LRRC4C: variants seen among roughly 807,000 people sequenced by gnomAD.
The protein encoded by LRRC4C is leucine rich repeat containing 4C, also known as leucine-rich repeat-containing protein 4C.
A neutral mutation model predicts 33.6 loss-of-function variants in LRRC4C; 5 were observed. That is an observed-to-expected ratio of 0.15 (90% CI 0.08 to 0.31). The LOEUF is 0.31. Ranked by LOEUF, LRRC4C falls within the 10% of genes least tolerant of loss-of-function variation. LRRC4C has a pLI of 1.00. For missense variants in LRRC4C, 560 were observed against 796.7 expected (o/e 0.70, Z 3.58); for synonymous variants, 329 against 302.0 (o/e 1.09, Z -0.93).
At chr11:41,245,251 G>C (rs1001868785) in intron 1 of LRRC4C, among the ~76,000 whole-genome samples, 3 of 152,188 alleles carry the variant, frequency 2.0e-5, no homozygotes, top group Admixed American at 2.0e-4. Flanking sequence ...GTTTTGCTCG[G>C]CCTGCTGGGC....
intron 5 of LRRC4C, among the ~76,000 whole-genome samples, chr11:40,144,141 G>A (rs1170994987): frequency 6.6e-6 from 1 of 152,088 alleles, no homozygotes. Context: ...GATAATAATA[G>A]AGTCAACTTC....
intron 1 of LRRC4C, among the ~76,000 whole-genome samples, chr11:41,377,561 A>T (rs1297582972): frequency 1.3e-5 from 2 of 152,008 alleles, no homozygotes; most frequent in African/African-American, 4.8e-5. Context: ...TTTCAATCAC[A>T]TTTTTTTTCC....
intron 1 of LRRC4C, among the ~76,000 whole-genome samples, chr11:41,335,934 T>C (rs1000521403): frequency 2.0e-5 from 3 of 152,216 alleles, no homozygotes; most frequent in Non-Finnish European, 4.4e-5. Context: ...TAGCTAATTG[T>C]AGACACTTTA....
At chr11:41,108,722 C>T (rs1941656552) in intron 1 of LRRC4C, among the ~76,000 whole-genome samples, 2 of 152,054 alleles carry the variant, frequency 1.3e-5, no homozygotes, top group Non-Finnish European at 2.9e-5. Flanking sequence ...GACAAATAGT[C>T]CCCATTCTAA....
chr11:40,829,083 C>T (rs776121310), intron 2 of LRRC4C, among the ~76,000 whole-genome samples: 2 of 151,866 alleles, frequency 1.3e-5, no homozygotes, highest in Non-Finnish European at 2.9e-5. Context: ...GTAATGTTTA[C>T]ATCATAATTG....
At chr11:40,237,506 G>C (rs148098188) in intron 5 of LRRC4C, among the ~76,000 whole-genome samples, 7 of 152,214 alleles carry the variant, frequency 4.6e-5, no homozygotes. Flanking sequence ...ACAAGGTCGC[G>C]GTATGGATTA....
intron 1 of LRRC4C, chr11:41,394,590 C>A (rs1953733391): frequency 6.6e-6 from 1 of 151,936 alleles, no homozygotes. Context: ...TGGTAAAAAA[C>A]ACCAACTTGA....
chr11:41,096,454 T>C (rs945519811), intron 1 of LRRC4C, among the ~76,000 whole-genome samples: 2 of 152,218 alleles, frequency 1.3e-5, no homozygotes, highest in African/African-American at 4.8e-5. Context: ...TCAGTCAGAC[T>C]TTAATCAGCA....
At chr11:40,974,067 T>C (rs1851913482) in intron 1 of LRRC4C, among the ~76,000 whole-genome samples, 1 of 152,290 alleles carries the variant, frequency 6.6e-6, no homozygotes, top group East Asian at 1.9e-4. Flanking sequence ...CTATAAATGG[T>C]TTAGAAAGTA....
At chr11:40,483,866 AG>A (rs1171594758) in intron 3 of LRRC4C, among the ~76,000 whole-genome samples, 5 of 151,782 alleles carry the variant, frequency 3.3e-5, no homozygotes, top group Non-Finnish European at 1.5e-5. Flanking sequence ...CCAACACTTA[AG>A]TAGAACTGAT....
chr11:41,426,328 T>G (rs1955042323), intron 1 of LRRC4C: 2 of 152,264 alleles, frequency 1.3e-5, no homozygotes. Flanking sequence ...TCTGGCATCC[T>G]GGACTCCGAC....
At chr11:40,493,410 G>A (rs1005515701) in intron 3 of LRRC4C, among the ~76,000 whole-genome samples, 1 of 151,922 alleles carries the variant, frequency 6.6e-6, no homozygotes, top group African/African-American at 2.4e-5. Context: ...TTGCAACCAA[G>A]AAAGTCCTAA....
At chr11:40,136,738 A>G (rs1565036823) in intron 6 of LRRC4C, among the ~76,000 whole-genome samples, 1 of 152,240 alleles carries the variant, frequency 6.6e-6, no homozygotes, top group Non-Finnish European at 1.5e-5. Context: ...GTTGCCATGC[A>G]TCATATAACT....
rs557664238 is a variant in LRRC4C at position 40,171,961 on chromosome 11, A to G, written c.-95-31108T>C. Among the ~76,000 whole-genome samples, 3 of 152,308 alleles carry G rather than the reference A, an allele frequency of 2.0e-5. No individual in the cohort carries two copies. In the East Asian group the frequency reaches 5.8e-4, roughly 29 times the overall value. On this transcript the variant is annotated intron_variant, in intron 5 of 6. Transcript: ENST00000528697. ...GAACTCAGGAGGTGGAGGTTGCCGT[A>G]AGCTGAGATTGCACCACTGCACTCC... is the stretch of plus-strand genomic sequence containing the variant.
At chr11:41,054,177 A>G (rs547820150) in intron 1 of LRRC4C, among the ~76,000 whole-genome samples, 1 of 152,328 alleles carries the variant, frequency 6.6e-6, no homozygotes, top group East Asian at 1.9e-4. Flanking sequence ...CACAAATGAG[A>G]TTCACTCCCA....
intron 1 of LRRC4C, among the ~76,000 whole-genome samples, chr11:41,409,558 T>TA (rs1257074719): frequency 6.6e-6 from 1 of 152,156 alleles, no homozygotes; most frequent in Non-Finnish European, 1.5e-5. Flanking sequence ...AACAGAGACA[T>TA]AGACATGTTA....
chr11:40,566,086 G>GTTTTTTTTTTTTTTTTTTTTT, intron 3 of LRRC4C, among the ~76,000 whole-genome samples: 2 of 62,794 alleles, frequency 3.2e-5, no homozygotes, highest in Non-Finnish European at 5.8e-5. Flanking sequence ...TTTTTACTAA[G>GTTTTTTTTTTTTTTTTTTTTT]TTTTTTTTTT....
chr11:40,905,178 A>G (rs974618918), intron 2 of LRRC4C, among the ~76,000 whole-genome samples: 5 of 152,102 alleles, frequency 3.3e-5, no homozygotes, highest in African/African-American at 9.7e-5. Flanking sequence ...GAAAACCCCA[A>G]ACTTGATTGT....
At position 40,603,898 on chromosome 11, in the gene LRRC4C, GA is replaced by G. The variant is rs373484157; in HGVS notation, c.-270+44243del. 2.9e-3 allele frequency among the ~76,000 whole-genome samples: 434 copies of G among 152,274 alleles called. 1 individual carries two copies. Among genetic ancestry groups the G allele is most frequent in the African/African-American group, 0.01 (418 of 41,564 alleles). ...ACGTAAGTATTCCAAAAATCTGGTA[GA>G]ATAATTTAAAATGTTAGAAGCCTAG... On this transcript the variant is annotated intron_variant, in intron 3 of 6. Coordinates refer to ENST00000528697, the MANE Select transcript of LRRC4C (RefSeq NM_001258419.2).
Sources: allele counts gnomAD v4.1 joint callset (sites outside exome capture counted in the v4.1 genomes callset), GRCh38; gene constraint gnomAD v4.1.1; transcripts MANE v1.5; gene names NCBI Gene and HGNC (gene_info 2026-07-23, HGNC 2026-07-21).